Variants in RTKN observed in about 807,000 individuals in gnomAD.
RTKN encodes the protein rhotekin.
A neutral mutation model predicts 63.5 loss-of-function variants in RTKN; 49 were observed. The ratio of observed to expected loss-of-function variants is 0.77; its 90% confidence interval spans 0.61 to 0.98. The LOEUF is 0.98. Ranked by LOEUF, RTKN falls within the 50% of genes least tolerant of loss-of-function variation. RTKN has a pLI of 0.00. For missense variants in RTKN, 685 were observed against 740.8 expected (o/e 0.92, Z 0.87); for synonymous variants, 295 against 290.4 (o/e 1.02, Z -0.16).
intron 1 of RTKN, among the ~76,000 whole-genome samples, chr2:74,434,805 A>G (rs1670965884): frequency 6.6e-6 from 1 of 152,248 alleles, no homozygotes; most frequent in African/African-American, 2.4e-5. Flanking sequence ...AAAAATGATC[A>G]GGCCCTACCT....
rs1247896036 is a variant in RTKN at position 74,429,896 on chromosome 2, G to T, written c.687C>A (p.Val229=). ...CCCCAGCACTGTCCAGCGATGCCCG[G>T]ACACGCCTCCCTGAGGAGCGGCCCA... The part of the protein sequence containing the change: ...SSLGRSSGRR[V]RASLDSAGGS... The change falls in exon 6 of 12, where the codon GTC becomes GTA. Residue 229 remains valine (V), a synonymous_variant. Transcript: ENST00000272430. 3.1e-6 allele frequency: 5 copies of T among 1,614,106 alleles called. No individual in the cohort carries two copies. The highest frequency in any genetic ancestry group is 4.2e-6 in the Non-Finnish European group (5 of 1,180,042).
intron 1 of RTKN, chr2:74,440,322 C>G: frequency 1.0e-6 from 1 of 982,018 alleles, no homozygotes; most frequent in Non-Finnish European, 1.2e-6. Flanking sequence ...GGGCCCCCAT[C>G]CAGCCCGCTC....
In RTKN at chr2:74,441,740, C is replaced by A; in HGVS notation, c.77G>T (p.Arg26Leu). The A allele has an allele frequency of 6.2e-7, 1 of 1,611,774 alleles. No homozygotes were observed. The change falls in exon 1 of 12, where the codon CGC (arginine) becomes CTC (leucine). Residue 26 changes from arginine (R) to leucine (L), a missense_variant. By Grantham distance (102) the Arg-to-Leu change is moderately radical (BLOSUM62 -2). Transcript: ENST00000272430. ...SALEMEFKRGRFRLSLFSDLP... is the reference protein window; with the variant it reads ...SALEMEFKRGLFRLSLFSDLP... ...GTCGCTGAAGAGGCTGAGTCGGAAG[C>A]GGCCGCGTTTGAACTCCATCTCCAG...
chr2:74,427,311 T>A (rs1670452204), intron 10 of RTKN, 38 bp from the exon 11 acceptor site: 1 of 1,607,708 alleles, frequency 6.2e-7, no homozygotes, highest in Non-Finnish European at 8.5e-7. Flanking sequence ...AGAGCCAGGC[T>A]GCCCTTTCTC....
At chr2:74,433,485 T>A (rs906152289) in intron 1 of RTKN, among the ~76,000 whole-genome samples, 2 of 149,936 alleles carry the variant, frequency 1.3e-5, no homozygotes, top group Admixed American at 1.3e-4. Flanking sequence ...AAATATTCAG[T>A]GCGGCATTTT....
intron 5 of RTKN, 84 bp from the exon 6 acceptor site, chr2:74,430,121 C>T (rs934950557): frequency 1.9e-6 from 3 of 1,539,746 alleles, no homozygotes; most frequent in African/African-American, 2.7e-5. Flanking sequence ...AAGTGCAGGA[C>T]AGCTCCACAG....
chr2:74,431,553 G>C (rs1407785680), intron 2 of RTKN, among the ~76,000 whole-genome samples: 1 of 152,252 alleles, frequency 6.6e-6, no homozygotes, highest in Non-Finnish European at 1.5e-5. Context: ...TGGGCTGTGT[G>C]AGGACTTTGG....
rs776476417 is a variant in RTKN, at chr2:74,430,438, A to C, written c.427+27T>G. ...TCCTACTTCAGGGTCATTCCCCTGA[A>C]TTTGTCCCAGGGTGTGTGGAACTCA... On this transcript the variant is annotated intron_variant, in intron 4 of 11. Transcript: ENST00000272430. 3.1e-6 allele frequency: 5 copies of C among 1,613,776 alleles called. No homozygotes were observed. The African/African-American group carries it at 6.7e-5, about 22-fold the overall frequency.
chr2:74,435,828 C>T (rs1671023210), intron 1 of RTKN, among the ~76,000 whole-genome samples: 1 of 152,226 alleles, frequency 6.6e-6, no homozygotes, highest in African/African-American at 2.4e-5. Flanking sequence ...CCCGAACACC[C>T]TAAATTCCCT....
Position 74,426,232 on chromosome 2 carries a change from A to G in RTKN, c.*11T>C. The G allele has an allele frequency of 6.2e-7, 1 of 1,611,568 alleles. No individual in the cohort carries two copies. The highest frequency in any genetic ancestry group is 8.5e-7 in the Non-Finnish European group (1 of 1,177,838). On this transcript the variant is annotated 3_prime_UTR_variant, in exon 12 of 12. Transcript: ENST00000272430. ...TCTTCTGGGCAGATCCTATGCCAGCACCTTTCTCTCTCACACTGGTGACTG... is the reference window on the plus strand; with the variant it reads ...TCTTCTGGGCAGATCCTATGCCAGCGCCTTTCTCTCTCACACTGGTGACTG...
At position 74,436,184 on chromosome 2, in the gene RTKN, A is replaced by G. The variant is rs1284623895; in HGVS notation, c.112-3518T>C. Among the ~76,000 whole-genome samples, 1 of 151,898 alleles carries G rather than the reference A, an allele frequency of 6.6e-6. No homozygotes were observed. The highest frequency in any genetic ancestry group is 1.5e-5 in the Non-Finnish European group (1 of 67,930). ...TGGCTAGTCTCATCCCAGTCCCAGC[A>G]CTCACGGATCCTTCCCCAGCCCGCT... is the stretch of plus-strand genomic sequence containing the variant. On this transcript the variant is annotated intron_variant, in intron 1 of 11. Coordinates refer to ENST00000272430, the MANE Select transcript of RTKN (RefSeq NM_001015055.2). The surrounding 1 kb of genome is among the most constrained non-coding windows in gnomAD (Gnocchi z 4.3).
chr2:74,435,538 G>T (rs1671009267), intron 1 of RTKN, among the ~76,000 whole-genome samples: 1 of 152,190 alleles, frequency 6.6e-6, no homozygotes, highest in African/African-American at 2.4e-5. Context: ...TGACTTTAAT[G>T]GCTGCTCCAT....
chr2:74,428,654 C>T lies in RTKN; in HGVS notation c.934G>A (p.Ala312Thr). The T allele has an allele frequency of 3.7e-6, 6 of 1,613,850 alleles. No homozygotes were observed. The highest frequency in any genetic ancestry group is 1.1e-5 in the South Asian group (1 of 90,978). The change falls in exon 8 of 12, where the codon GCA (alanine) becomes ACA (threonine). Residue 312 changes from alanine (A) to threonine (T), a missense_variant. Physicochemically the swap from Ala to Thr is moderately conservative, Grantham distance 58. Coordinates refer to ENST00000272430, the MANE Select transcript of RTKN (RefSeq NM_001015055.2). ...ACCTGCACCCTGAGGGTACCACTTG[C>T]AGTGGGCTGAGTCATGCAGAGAGGC... ...AQPLCMTQPT[A>T]SGTLRVQQAG... is the part of the protein sequence containing the mutation.
At chr2:74,440,711 G>A (rs1414550493) in intron 1 of RTKN, 2 of 269,654 alleles carry the variant, frequency 7.4e-6, no homozygotes, top group Non-Finnish European at 1.1e-5. Flanking sequence ...TGGGGGCAAG[G>A]GGACGCGACA....
At position 74,430,340 on chromosome 2, in the gene RTKN, GCAGCAGGAACACAGCC is replaced by G; in HGVS notation, c.441_456del (p.Trp147CysfsTer13). On this transcript the variant is annotated frameshift_variant, in exon 5 of 12. Coordinates refer to ENST00000272430, the MANE Select transcript of RTKN (RefSeq NM_001015055.2). LOFTEE classifies it high-confidence loss of function. ...TCCTGGATGTGTTCCCCCAGCTGCA[GCAGCAGGAACACAGCC>G]CAGCGGTGCAAGTCTGGGGACAAAG... 6.2e-7 allele frequency: 1 copy of G among 1,614,220 alleles called. No homozygotes were observed.
rs774212599 is a variant in RTKN, at chr2:74,430,640, A to AT, written c.348_349insA (p.Cys117MetfsTer9). 1.2e-6 allele frequency: 2 copies of AT among 1,613,410 alleles called. No homozygotes were observed. The highest frequency in any genetic ancestry group is 1.7e-6 in the Non-Finnish European group (2 of 1,179,844). On this transcript the variant is annotated frameshift_variant, in exon 3 of 12. Coordinates refer to ENST00000272430, the MANE Select transcript of RTKN (RefSeq NM_001015055.2). LOFTEE classifies it high-confidence loss of function. ...CCAGAGATGCAGACCCGGCCGCGGCAGGGGGAGCGCTCAGCGGGCGGGCCA... is the reference window on the plus strand; with the variant it reads ...CCAGAGATGCAGACCCGGCCGCGGCATGGGGGAGCGCTCAGCGGGCGGGCCA...
chr2:74,427,262 G>A lies in RTKN; in HGVS notation c.1267C>T (p.Gln423Ter). The change falls in exon 11 of 12, where the codon CAG (glutamine) becomes TAG (stop). Residue 423 changes from glutamine to a stop codon, truncating the protein, a stop_gained. Transcript: ENST00000272430. LOFTEE classifies it high-confidence loss of function. ...ATTTTCATGATTTCATCACAGCACT[G>A]CTTCCATTGGCCTGGAAGAAGAGCG... The part of the protein sequence containing the change: ...QLFFDMSQWK[Q>*]CCDEIMKIET... The A allele has an allele frequency of 6.2e-7, 1 of 1,614,096 alleles. No homozygotes were observed. Among genetic ancestry groups the A allele is most frequent in the Non-Finnish European group, 8.5e-7 (1 of 1,179,952 alleles).
chr2:74,439,707 C>G, intron 1 of RTKN: 1 of 1,579,332 alleles, frequency 6.3e-7, no homozygotes, highest in East Asian at 2.3e-5. Context: ...AGTTCCTCCT[C>G]CCACTGTTCC....
At position 74,436,476 on chromosome 2, in the gene RTKN, C is replaced by T. The variant is rs188550943; in HGVS notation, c.112-3810G>A. On this transcript the variant is annotated intron_variant, in intron 1 of 11. Coordinates refer to ENST00000272430, the MANE Select transcript of RTKN (RefSeq NM_001015055.2). The surrounding 1 kb of genome is among the most constrained non-coding windows in gnomAD (Gnocchi z 4.3). ...TGCCTCCACCGAGACTCCATCGCGG[C>T]GGGACCGGACCTCCAGGAGTGCGCC... Among the ~76,000 whole-genome samples the T allele has an allele frequency of 1.9e-3, 295 of 152,254 alleles. No homozygotes were observed. The highest frequency in any genetic ancestry group is 6.9e-3 in the African/African-American group (285 of 41,540).
Sources: allele counts gnomAD v4.1 joint callset (sites outside exome capture counted in the v4.1 genomes callset), GRCh38; gene constraint gnomAD v4.1.1; non-coding constraint Gnocchi (gnomAD v3.1); transcripts MANE v1.5; gene names NCBI Gene and HGNC (gene_info 2026-07-23, HGNC 2026-07-21).